The following IL1RAPL1 variants were observed in gnomAD, a reference collection of about 807,000 sequenced individuals.
The protein encoded by IL1RAPL1 is interleukin-1 receptor accessory protein-like 1.
Under a neutral mutation model 48.4 loss-of-function variants are expected in IL1RAPL1, and 3 were observed. That is an observed-to-expected ratio of 0.06 (90% CI 0.03 to 0.16). The LOEUF is 0.16. IL1RAPL1 is among the 10% of genes least tolerant of loss of function. The pLI is 1.00. For missense variants in IL1RAPL1, 349 were observed against 530.6 expected (o/e 0.66, Z 3.36); for synonymous variants, 185 against 187.7 (o/e 0.99, Z 0.12).
At chrX:29,347,955 A>G (rs963478124) in intron 3 of IL1RAPL1, among the ~76,000 whole-genome samples, 3 of 111,714 alleles carry the variant, frequency 2.7e-5, no homozygotes, top group Non-Finnish European at 5.6e-5. Flanking sequence ...TGGGCAGACC[A>G]GAGCTGGACA....
At chrX:29,454,389 G>C (rs922024778) in intron 5 of IL1RAPL1, among the ~76,000 whole-genome samples, 16 of 111,850 alleles carry the variant, frequency 1.4e-4, no homozygotes, top group African/African-American at 4.9e-4. Flanking sequence ...TTTTGGGGAA[G>C]ACAGAGACAA....
chrX:28,683,712 TAGGG>T (rs1392769929), intron 1 of IL1RAPL1, among the ~76,000 whole-genome samples: 2 of 112,357 alleles, frequency 1.8e-5, no homozygotes, highest in East Asian at 5.6e-4. Flanking sequence ...AAGGTATTGG[TAGGG>T]TTGCATTATT....
intron 5 of IL1RAPL1, among the ~76,000 whole-genome samples, chrX:29,405,128 G>C (rs750421881): frequency 9.1e-6 from 1 of 109,941 alleles, no homozygotes; most frequent in East Asian, 2.9e-4. Context: ...TGGCCAGGAT[G>C]GTCTTGATAT....
chrX:28,952,108 T>G (rs758158610), intron 2 of IL1RAPL1, among the ~76,000 whole-genome samples: 306 of 110,990 alleles, frequency 2.8e-3, no homozygotes, highest in Non-Finnish European at 4.5e-3. Flanking sequence ...CATACACACT[T>G]TCATTTGTCT....
intron 2 of IL1RAPL1, among the ~76,000 whole-genome samples, chrX:28,797,771 G>A (rs1222055126): frequency 1.8e-5 from 2 of 111,624 alleles, no homozygotes; most frequent in African/African-American, 3.3e-5. Context: ...TTCCAAAGTC[G>A]CTTCTGCATT....
intron 5 of IL1RAPL1, among the ~76,000 whole-genome samples, chrX:29,634,692 C>G (rs1279462275): frequency 1.8e-5 from 2 of 111,557 alleles, no homozygotes; most frequent in Admixed American, 1.9e-4. Context: ...ATCTCATACC[C>G]TGGAGTTCAA....
At position 29,708,836 on chromosome X, in the gene IL1RAPL1, C is replaced by T. The variant is rs373591758; in HGVS notation, c.778+40332C>T. Among the ~76,000 whole-genome samples, 5 of 112,173 alleles carry T rather than the reference C, an allele frequency of 4.5e-5. No individual in the cohort carries two copies. The South Asian group carries it at 1.5e-3, about 33-fold the overall frequency. The stretch of plus-strand genomic sequence containing the variant: ...CTGCACTAGTTTACATTCCTGCCAA[C>T]GGTGTACAAGGGTTGTCTTTTATCC... On this transcript the variant is annotated intron_variant, in intron 6 of 10. Coordinates refer to ENST00000378993, the MANE Select transcript of IL1RAPL1 (RefSeq NM_014271.4).
At chrX:29,240,600 T>A (rs1251142206) in intron 2 of IL1RAPL1, among the ~76,000 whole-genome samples, 1 of 111,114 alleles carries the variant, frequency 9.0e-6, no homozygotes, top group African/African-American at 3.3e-5. Context: ...ATTATGGACA[T>A]CTTAATTTTC....
At chrX:29,269,688 G>A (rs1932010480) in intron 2 of IL1RAPL1, among the ~76,000 whole-genome samples, 1 of 107,081 alleles carries the variant, frequency 9.3e-6, no homozygotes, top group Admixed American at 1.0e-4. Flanking sequence ...CTTCTAATAG[G>A]TCTTCTTTTT....
At chrX:29,429,935 T>C (rs1441998928) in intron 5 of IL1RAPL1, among the ~76,000 whole-genome samples, 1 of 93,411 alleles carries the variant, frequency 1.1e-5, no homozygotes, top group Non-Finnish European at 2.2e-5. Context: ...GTATTTTTTT[T>C]TTTAAATAGT....
intron 2 of IL1RAPL1, among the ~76,000 whole-genome samples, chrX:29,064,861 G>A (rs930318157): frequency 2.7e-5 from 3 of 112,113 alleles, no homozygotes; most frequent in Admixed American, 1.9e-4. Flanking sequence ...GATTACAGGC[G>A]TGAGCCATTG....
chrX:29,367,558 TTATTTATTTATTTA>T, intron 3 of IL1RAPL1, among the ~76,000 whole-genome samples: 1 of 101,276 alleles, frequency 9.9e-6, no homozygotes, highest in Middle Eastern at 5.0e-3. Flanking sequence ...TTATTTTTAT[TTATTTATTTATTTA>T]TTTATTTATT....
At chrX:29,817,143 G>A (rs1312297042) in intron 6 of IL1RAPL1, among the ~76,000 whole-genome samples, 2 of 111,333 alleles carry the variant, frequency 1.8e-5, no homozygotes, top group African/African-American at 6.5e-5. Flanking sequence ...AACTGTGGGA[G>A]CATAATAACG....
intron 1 of IL1RAPL1, among the ~76,000 whole-genome samples, chrX:28,656,567 T>C (rs928665886): frequency 4.5e-5 from 5 of 111,223 alleles, no homozygotes; most frequent in African/African-American, 1.6e-4. Context: ...GCATTTGCCC[T>C]ATGCCTGGGC....
At chrX:29,651,308 A>G (rs1925510908) in intron 5 of IL1RAPL1, among the ~76,000 whole-genome samples, 1 of 111,299 alleles carries the variant, frequency 9.0e-6, no homozygotes, top group Admixed American at 9.6e-5. Context: ...TATGTCAGAA[A>G]CATATGCACT....
chrX:28,685,651 G>A (rs187741589), intron 1 of IL1RAPL1, among the ~76,000 whole-genome samples: 1 of 111,683 alleles, frequency 9.0e-6, no homozygotes, highest in Non-Finnish European at 1.9e-5. Flanking sequence ...TTAGTTAGCA[G>A]CATTTTGTTT....
At chrX:29,812,390 G>T (rs991030384) in intron 6 of IL1RAPL1, among the ~76,000 whole-genome samples, 2 of 111,435 alleles carry the variant, frequency 1.8e-5, no homozygotes, top group Admixed American at 1.9e-4. Context: ...ATGACTAAAA[G>T]GAACTCTCCC....
intron 6 of IL1RAPL1, among the ~76,000 whole-genome samples, chrX:29,788,315 G>A (rs961622518): frequency 2.7e-5 from 3 of 111,146 alleles, no homozygotes; most frequent in Non-Finnish European, 5.7e-5. Flanking sequence ...TTCTAGTAAG[G>A]AAACACAGAC....
At chrX:29,733,488 A>G (rs1438007150) in intron 6 of IL1RAPL1, among the ~76,000 whole-genome samples, 1 of 112,185 alleles carries the variant, frequency 8.9e-6, no homozygotes, top group African/African-American at 3.2e-5. Flanking sequence ...TCTGAATCAG[A>G]CTTGTGACCT....
Sources: gnomAD v4.1 joint callset for allele counts (sites outside exome capture counted in the v4.1 genomes callset) on GRCh38, gnomAD v4.1.1 for gene constraint, MANE v1.5 for transcripts, NCBI Gene and HGNC (gene_info 2026-07-23, HGNC 2026-07-21) for gene names.